The following SAMD7 variants were observed in gnomAD, a reference collection of about 807,000 sequenced individuals.
The protein encoded by SAMD7 is sterile alpha motif domain containing 7, also known as sterile alpha motif domain-containing protein 7.
SAMD7 carries 34 observed loss-of-function variants against 36.7 expected under a neutral mutation model. The ratio of observed to expected loss-of-function variants is 0.93; its 90% CI spans 0.71 to 1.23. The LOEUF (loss-of-function observed/expected upper bound fraction) is 1.23, where lower values mean the gene tolerates loss of function less well. Ranked by LOEUF, SAMD7 falls within the 50% of genes most tolerant of loss-of-function variation. The pLI, the probability that SAMD7 is intolerant of heterozygous loss-of-function variation, is 0.00. For synonymous variants in SAMD7, 188 were observed against 189.7 expected (o/e 0.99, Z 0.07); for missense variants, 570 against 546.6 (o/e 1.04, Z -0.43).
chr3:169,929,784 G>C (rs2108263587), intron 7 of SAMD7, among the ~76,000 whole-genome samples: 1 of 152,326 alleles, frequency 6.6e-6, no homozygotes, highest in East Asian at 1.9e-4. Context: ...CAAGCCTCAA[G>C]TTACTTATGA....
chr3:169,930,328 C>T (rs998466901), intron 7 of SAMD7, among the ~76,000 whole-genome samples: 10 of 152,134 alleles, frequency 6.6e-5, no homozygotes, highest in Non-Finnish European at 1.0e-4. Flanking sequence ...GGATCAAGTC[C>T]TGCTTTAGTT....
chr3:169,922,736 T>C (rs1365374781), intron 4 of SAMD7, among the ~76,000 whole-genome samples: 3 of 152,172 alleles, frequency 2.0e-5, no homozygotes, highest in Non-Finnish European at 4.4e-5. Context: ...CTGACTTAAG[T>C]CATCCACTTG....
In SAMD7 at chr3:169,930,870, C is replaced by T. The variant is rs897646998; in HGVS notation, c.1041+2292C>T. ...TGCTGGGATTACAGGCATGAGCCACCGCGCCCAGCCCCATAGCCCCTTTCT... is the reference window on the plus strand; with the variant it reads ...TGCTGGGATTACAGGCATGAGCCACTGCGCCCAGCCCCATAGCCCCTTTCT... On this transcript the variant is annotated intron_variant, in intron 7 of 8. Transcript: ENST00000335556. Among the ~76,000 whole-genome samples the T allele has an allele frequency of 9.2e-5, 14 of 152,016 alleles. 1 individual carries two copies. The highest frequency in any genetic ancestry group is 7.2e-4 in the Admixed American group (11 of 15,254).
intron 7 of SAMD7, chr3:169,932,716 G>A (rs541392685): frequency 2.3e-4 from 126 of 548,928 alleles, no homozygotes; most frequent in Middle Eastern, 1.0e-3. Flanking sequence ...ACTGACACCC[G>A]TGGGCCAGGA....
At chr3:169,922,856 G>A (rs1372437283) in intron 4 of SAMD7, among the ~76,000 whole-genome samples, 1 of 152,188 alleles carries the variant, frequency 6.6e-6, no homozygotes. Context: ...CTATTTTAAG[G>A]AGAGAGTGAG....
chr3:169,933,988 C>T (rs2108265812), intron 7 of SAMD7, among the ~76,000 whole-genome samples: 1 of 152,268 alleles, frequency 6.6e-6, no homozygotes, highest in Non-Finnish European at 1.5e-5. Context: ...AGGTGAGGGC[C>T]AGAGCCAGAG....
At chr3:169,916,384 A>G (rs1712800809) in intron 2 of SAMD7, among the ~76,000 whole-genome samples, 1 of 152,180 alleles carries the variant, frequency 6.6e-6, no homozygotes, top group African/African-American at 2.4e-5. Context: ...GGTGGCTCAC[A>G]CGTCTAATCC....
intron 7 of SAMD7, among the ~76,000 whole-genome samples, chr3:169,935,588 A>G (rs1276160408): frequency 6.6e-6 from 1 of 152,134 alleles, no homozygotes; most frequent in Non-Finnish European, 1.5e-5. Context: ...TACAAAGTCT[A>G]AAGTTTGAGG....
chr3:169,925,850 G>A (rs1314711981), intron 5 of SAMD7, among the ~76,000 whole-genome samples: 1 of 152,212 alleles, frequency 6.6e-6, no homozygotes, highest in African/African-American at 2.4e-5. Flanking sequence ...TGGCATTACT[G>A]TCTTAAATGA....
intron 1 of SAMD7, among the ~76,000 whole-genome samples, 151 bp downstream of exon 1, chr3:169,911,972 G>A (rs767808107): frequency 8.5e-5 from 13 of 152,184 alleles, no homozygotes; most frequent in Non-Finnish European, 1.6e-4. Context: ...CTAACAGTAT[G>A]TGAGCTAATA....
intron 2 of SAMD7, among the ~76,000 whole-genome samples, chr3:169,918,130 G>T (rs1006456130): frequency 2.0e-5 from 3 of 149,968 alleles, no homozygotes; most frequent in African/African-American, 7.4e-5. Flanking sequence ...TAGAGACAGG[G>T]TCTCACCATG....
intron 7 of SAMD7, among the ~76,000 whole-genome samples, chr3:169,934,621 A>G (rs952895120): frequency 1.3e-5 from 2 of 152,128 alleles, no homozygotes; most frequent in Admixed American, 6.5e-5. Flanking sequence ...TGGGTGGGGG[A>G]CACGGTAATT....
rs775362415 is a variant in SAMD7 at position 169,927,156 on chromosome 3, T to C, written c.894T>C (p.Pro298=). The change falls in exon 6 of 9, where the codon CCT becomes CCC. Residue 298 remains proline, a synonymous_variant. Transcript: ENST00000335556. ...GTGATGAAAAGAATGGGGTTTGCCC[T>C]CCAGTTCCTCGACCATCTCTGCCAG... ...ATCDEKNGVC[P]PVPRPSLPGT... 7 of 1,536,744 alleles carry C rather than the reference T, an allele frequency of 4.6e-6. No individual in the cohort carries two copies. Among genetic ancestry groups the C allele is most frequent in the Non-Finnish European group, 6.1e-6 (7 of 1,147,380 alleles).
rs1451528926 is a variant in SAMD7 at position 169,932,024 on chromosome 3, G to A, written c.1041+3446G>A. ...TGAAGCTAAAGCAGCGAGTCATGCT[G>A]TTAGCAATTCCTGTCATCTTTATCT... is the stretch of plus-strand genomic sequence containing the variant. On this transcript the variant is annotated intron_variant, in intron 7 of 8. Transcript: ENST00000335556. 9.8e-6 allele frequency: 7 copies of A among 712,646 alleles called. No homozygotes were observed. The East Asian group carries it at 1.3e-4, about 14-fold the overall frequency. 44.1% of individuals were successfully genotyped at this position (712,646 alleles called of 1,614,324 possible). A position where few individuals can be genotyped will look rare whatever the true frequency, so the allele number is the denominator to read the frequency against.
rs187583515 is a variant in SAMD7, at chr3:169,916,385, C to T, written c.-42+944C>T. On this transcript the variant is annotated intron_variant, in intron 2 of 8. Coordinates refer to ENST00000335556, the MANE Select transcript of SAMD7 (RefSeq NM_001304366.2). ...TATAGGCCAGGCGTGGTGGCTCACACGTCTAATCCCAGTGCTATGGGAGGC... is the reference window on the plus strand; with the variant it reads ...TATAGGCCAGGCGTGGTGGCTCACATGTCTAATCCCAGTGCTATGGGAGGC... Among the ~76,000 whole-genome samples, 856 of 152,296 alleles carry T rather than the reference C, an allele frequency of 5.6e-3. 5 individuals carry two copies. The highest frequency in any genetic ancestry group is 8.9e-3 in the Non-Finnish European group (604 of 68,028).
At chr3:169,925,975 A>G (rs1174911895) in intron 5 of SAMD7, among the ~76,000 whole-genome samples, 1 of 152,184 alleles carries the variant, frequency 6.6e-6, no homozygotes, top group African/African-American at 2.4e-5. Context: ...TATAGTACCC[A>G]GGAGAAAGAA....
At chr3:169,917,785 G>A (rs542591588) in intron 2 of SAMD7, among the ~76,000 whole-genome samples, 1 of 152,100 alleles carries the variant, frequency 6.6e-6, no homozygotes, top group Admixed American at 6.5e-5. Flanking sequence ...GAGACTACAG[G>A]CGCCCGCCAC....
chr3:169,918,701 A>C (rs942209078), intron 2 of SAMD7, among the ~76,000 whole-genome samples: 2 of 152,238 alleles, frequency 1.3e-5, no homozygotes, highest in Non-Finnish European at 2.9e-5. Context: ...TTCTAATTAG[A>C]TATACTTTTA....
intron 4 of SAMD7, 76 bp downstream of exon 4, chr3:169,921,414 A>C: frequency 5.4e-6 from 8 of 1,470,972 alleles, no homozygotes; most frequent in Non-Finnish European, 7.6e-6. Context: ...TTGCCATCAA[A>C]TTACTCCTAA....
Sources: allele counts gnomAD v4.1 joint callset (sites outside exome capture counted in the v4.1 genomes callset), GRCh38; gene constraint gnomAD v4.1.1; transcripts MANE v1.5; gene names NCBI Gene and HGNC (gene_info 2026-07-23, HGNC 2026-07-21).